The following CALCRL variants were observed in gnomAD, a reference collection of about 807,000 sequenced individuals.
CALCRL encodes the protein calcitonin receptor like receptor.
Under a neutral mutation model 60.4 loss-of-function variants are expected in CALCRL, and 27 were observed. That is an observed-to-expected ratio of 0.45 (90% CI 0.33 to 0.62). The LOEUF (loss-of-function observed/expected upper bound fraction) is 0.62, where lower values mean the gene tolerates loss of function less well. Ranked by LOEUF, CALCRL falls within the 20% of genes least tolerant of loss-of-function variation. The probability of loss-of-function intolerance (pLI) is 0.03; values close to 1 mark genes in which losing one functional copy is unlikely to be tolerated. For synonymous variants in CALCRL, 190 were observed against 182.6 expected, an observed-to-expected ratio of 1.04 and a Z score of -0.33; for missense variants, 424 against 540.7, an observed-to-expected ratio of 0.78 and a Z score of 2.14.
At chr2:187,421,570 A>G (rs189616636) in intron 1 of CALCRL, among the ~76,000 whole-genome samples, 1 of 152,264 alleles carries the variant, frequency 6.6e-6, no homozygotes, top group East Asian at 1.9e-4. Flanking sequence ...GTACTATTTT[A>G]TGCTGACACT....
chr2:187,380,843 A>G, intron 5 of CALCRL, 56 bp from the exon 6 acceptor site: 3 of 1,376,186 alleles, frequency 2.2e-6, no homozygotes, highest in Non-Finnish European at 3.1e-6. Context: ...ATACATGAAG[A>G]CATAGTTTTA....
intron 1 of CALCRL, among the ~76,000 whole-genome samples, chr2:187,389,795 T>C (rs1688358139): frequency 6.6e-6 from 1 of 152,164 alleles, no homozygotes; most frequent in Non-Finnish European, 1.5e-5. Flanking sequence ...AATTAAACTA[T>C]AGTTTGATCT....
intron 1 of CALCRL, among the ~76,000 whole-genome samples, chr2:187,437,258 A>T (rs1428875232): frequency 2.0e-5 from 3 of 152,192 alleles, no homozygotes; most frequent in Non-Finnish European, 2.9e-5. Flanking sequence ...TCAGATACAT[A>T]TAGGCCGGGC....
At chr2:187,425,006 G>A (rs1178839970) in intron 1 of CALCRL, among the ~76,000 whole-genome samples, 1 of 151,832 alleles carries the variant, frequency 6.6e-6, no homozygotes, top group East Asian at 1.9e-4. Context: ...AATCAACACT[G>A]CATTGACTAT....
intron 11 of CALCRL, 25 bp downstream of exon 11, chr2:187,359,184 TAGA>T: frequency 6.3e-7 from 1 of 1,589,102 alleles, no homozygotes; most frequent in Non-Finnish European, 8.6e-7. Context: ...ATTATTCCAG[TAGA>T]AATAATAAAA....
Position 187,346,391 on chromosome 2 carries a change from T to G in CALCRL, c.1179A>C (p.Ala393=), listed in dbSNP as rs150400535. 2 of 1,607,160 alleles carry G rather than the reference T, an allele frequency of 1.2e-6. No individual in the cohort carries two copies. The highest frequency in any genetic ancestry group is 1.7e-6 in the Non-Finnish European group (2 of 1,175,806). ...ATTGATTCCAGTTTCTTCTCAGAAT[T>G]GCTTGAACCTATCAATCAAAAGGAA... is the stretch of plus-strand genomic sequence containing the variant. ...IFCFFNGEVQ[A]ILRRNWNQYK... The change falls in exon 15 of 15, where the codon GCA becomes GCC. Residue 393 remains alanine, a synonymous_variant. Transcript: ENST00000392370.
intron 1 of CALCRL, among the ~76,000 whole-genome samples, chr2:187,441,289 T>A (rs1702987846): frequency 6.6e-6 from 1 of 151,968 alleles, no homozygotes; most frequent in African/African-American, 2.4e-5. Context: ...TTATTATATG[T>A]ATTTGATTTA....
chr2:187,383,807 TAATC>T (rs1434973258), intron 4 of CALCRL, among the ~76,000 whole-genome samples: 2 of 152,190 alleles, frequency 1.3e-5, no homozygotes, highest in African/African-American at 2.4e-5. Context: ...GATATTTTGA[TAATC>T]AAAATAATGG....
At position 187,383,222 on chromosome 2, in the gene CALCRL, T is replaced by A. The variant is rs1028403239; in HGVS notation, c.135A>T (p.Gln45His). 10 of 1,612,854 alleles carry A rather than the reference T, an allele frequency of 6.2e-6. No individual in the cohort carries two copies. The highest frequency in any genetic ancestry group is 7.6e-6 in the Non-Finnish European group (9 of 1,179,730). Residue 45 changes from glutamine (Q) to histidine (H), a missense_variant, in exon 5 of 15, where the codon CAA becomes CAT. Transcript: ENST00000392370. ...GCATAATCTTTTGGTAACATTCATA[T>A]TGAGCTGTCATGATTTTATTTCTAG... ...GVTRNKIMTA[Q>H]YECYQKIMQD... is the part of the protein sequence containing the mutation.
intron 1 of CALCRL, among the ~76,000 whole-genome samples, chr2:187,423,334 A>G (rs1689966861): frequency 6.6e-6 from 1 of 151,260 alleles, no homozygotes; most frequent in Non-Finnish European, 1.5e-5. Context: ...AGTTAAACCA[A>G]TGTGCTTCAA....
intron 12 of CALCRL, among the ~76,000 whole-genome samples, chr2:187,356,236 C>T (rs1686779332): frequency 6.6e-6 from 1 of 152,110 alleles, no homozygotes; most frequent in Non-Finnish European, 1.5e-5. Context: ...GGAGGCGTCA[C>T]GCTACCTGAC....
intron 1 of CALCRL, among the ~76,000 whole-genome samples, chr2:187,400,937 T>A (rs892544197): frequency 6.6e-6 from 1 of 151,528 alleles, no homozygotes; most frequent in African/African-American, 2.4e-5. Flanking sequence ...TTCAGAGTAA[T>A]GAATGTGTTC....
intron 3 of CALCRL, among the ~76,000 whole-genome samples, chr2:187,385,941 G>A (rs1688188563): frequency 6.6e-6 from 1 of 151,906 alleles, no homozygotes; most frequent in East Asian, 1.9e-4. Flanking sequence ...GTAGAGATGG[G>A]GTTTCACCAT....
At chr2:187,367,485 C>G (rs1235268481) in intron 8 of CALCRL, among the ~76,000 whole-genome samples, 1 of 152,078 alleles carries the variant, frequency 6.6e-6, no homozygotes, top group Non-Finnish European at 1.5e-5. Context: ...TTGTTTCCTT[C>G]TAAACATATT....
intron 8 of CALCRL, among the ~76,000 whole-genome samples, chr2:187,372,339 G>T (rs1031768703): frequency 6.6e-6 from 1 of 151,424 alleles, no homozygotes; most frequent in Admixed American, 6.6e-5. Flanking sequence ...TTATCTAAAG[G>T]GTTCCACTTT....
At chr2:187,393,347 C>G (rs946158249) in intron 1 of CALCRL, among the ~76,000 whole-genome samples, 39 of 152,092 alleles carry the variant, frequency 2.6e-4, no homozygotes, top group Non-Finnish European at 8.8e-5. Flanking sequence ...CTGGGACATG[C>G]CGAAACCTGA....
At chr2:187,395,044 A>G (rs1387274477) in intron 1 of CALCRL, among the ~76,000 whole-genome samples, 1 of 152,062 alleles carries the variant, frequency 6.6e-6, no homozygotes, top group Non-Finnish European at 1.5e-5. Context: ...AGCATTAGCT[A>G]TTGCTATTTT....
At chr2:187,436,246 G>A (rs936172153) in intron 1 of CALCRL, among the ~76,000 whole-genome samples, 5 of 152,106 alleles carry the variant, frequency 3.3e-5, no homozygotes, top group Non-Finnish European at 7.4e-5. Context: ...AGAACACTAT[G>A]TCAGGGCACA....
At chr2:187,445,390 GA>G in intron 1 of CALCRL, among the ~76,000 whole-genome samples, 1 of 151,528 alleles carries the variant, frequency 6.6e-6, no homozygotes, top group Non-Finnish European at 1.5e-5. Flanking sequence ...AGAATTATTT[GA>G]TAAAGCTGTA....
Sources: allele counts gnomAD v4.1 joint callset (sites outside exome capture counted in the v4.1 genomes callset), GRCh38; gene constraint gnomAD v4.1.1; transcripts MANE v1.5; gene names NCBI Gene and HGNC (gene_info 2026-07-23, HGNC 2026-07-21).